Variants in EIF1 observed in about 807,000 individuals in gnomAD.
The protein encoded by EIF1 is eukaryotic translation initiation factor 1.
In EIF1, 4 loss-of-function variants were observed where a neutral mutation model predicts 13.7. The observed-to-expected ratio is 0.29, with a 90% CI of 0.14 to 0.67. The LOEUF (loss-of-function observed/expected upper bound fraction) is 0.67. Among genes scored for constraint, EIF1 ranks in the 30% least tolerant of loss-of-function variants. The probability of loss-of-function intolerance (pLI) is 0.77; values close to 1 mark genes in which losing one functional copy is unlikely to be tolerated. For missense variants in EIF1, 64 were observed against 138.0 expected (o/e 0.46, Z 2.69); for synonymous variants, 67 against 50.7 (o/e 1.32, Z -1.37).
intron 1 of EIF1, chr17:41,689,303 C>T: frequency 1.7e-6 from 1 of 598,900 alleles, no homozygotes; most frequent in East Asian, 2.8e-5. Flanking sequence ...GTCTCAGTGG[C>T]GCATTTACTA....
At chr17:41,689,260 C>T (rs759774815) in intron 1 of EIF1, 191 bp downstream of exon 1, 75 of 663,114 alleles carry the variant, frequency 1.1e-4, no homozygotes, top group Non-Finnish European at 1.8e-4. Flanking sequence ...CCGGAAGGAG[C>T]AGGCGGTAGG....
At position 41,690,123 on chromosome 17, in the gene EIF1, G is replaced by A. The variant is rs3389; in HGVS notation, c.231G>A (p.Pro77=). 3.7e-6 allele frequency: 6 copies of A among 1,614,094 alleles called. No individual in the cohort carries two copies. The highest frequency in any genetic ancestry group is 5.1e-6 in the Non-Finnish European group (6 of 1,180,024). Residue 77 remains proline (P), a synonymous_variant, in exon 3 of 4, where the codon CCG becomes CCA. Transcript: ENST00000469257. ...GCAATGGTACTGTAATTGAGCATCC[G>A]GAATATGGAGAAGTAATTCAGCTAC... ...FACNGTVIEH[P]EYGEVIQLQG...
At chr17:41,690,749 C>T (rs753711486) in intron 3 of EIF1, 33 bp from the exon 4 acceptor site, 1 of 1,612,936 alleles carries the variant, frequency 6.2e-7, no homozygotes. Flanking sequence ...CTCCCTGTCC[C>T]CCATTTAAAA....
rs771365370 is a variant in EIF1, at chr17:41,689,828, G to C, written c.82G>C (p.Glu28Gln). Residue 28 changes from glutamate (E) to glutamine (Q), a missense_variant, in exon 2 of 4, where the codon GAG (glutamate) becomes CAG (glutamine). Around this residue, in one of 2 missense-constraint regions of EIF1, gnomAD observed 29 missense variants for 34.7 expected, o/e 0.84. Transcript: ENST00000469257. ...TGATGACCTGCTTCCTGCTGGCACTGAGGATTATATCCATATAAGAATTCA... is the reference window on the plus strand; with the variant it reads ...TGATGACCTGCTTCCTGCTGGCACTCAGGATTATATCCATATAAGAATTCA... Reference protein sequence around the residue: ...KGDDLLPAGTEDYIHIRIQQR... With the variant: ...KGDDLLPAGTQDYIHIRIQQR... The C allele has an allele frequency of 1.2e-5, 20 of 1,613,550 alleles. No homozygotes were observed. Among genetic ancestry groups the C allele is most frequent in the Non-Finnish European group, 3.4e-6 (4 of 1,179,670 alleles).
In EIF1 at chr17:41,690,279, T is replaced by A. The variant is rs192192922; in HGVS notation, c.297+90T>A. 140 of 1,118,164 alleles carry A rather than the reference T, an allele frequency of 1.3e-4. No individual in the cohort carries two copies. In the African/African-American group the frequency reaches 2.1e-3, roughly 16 times the overall value. The allele number at this position is 1,118,164 out of a possible 1,614,324, so 69.3% of individuals were successfully genotyped here. Reference sequence around the variant, plus strand: ...TTCTGCTGGGGACATAAAAGTTGGCTTTGTAAGGCTGAGCAAAACCTCAGT... The same window carrying A: ...TTCTGCTGGGGACATAAAAGTTGGCATTGTAAGGCTGAGCAAAACCTCAGT... On this transcript the variant is annotated intron_variant, in intron 3 of 3. Coordinates refer to ENST00000469257, the MANE Select transcript of EIF1 (RefSeq NM_005801.4).
At position 41,691,375 on chromosome 17, in the gene EIF1, C is replaced by T. The variant is rs942785503; in HGVS notation, c.*549C>T. On this transcript the variant is annotated 3_prime_UTR_variant, in exon 4 of 4. Coordinates refer to ENST00000469257, the MANE Select transcript of EIF1 (RefSeq NM_005801.4). ...AGGACATCTGGCTTGCCACAAAGGTCTGTTCGACCAGACATATCCTAGCTA... is the reference window on the plus strand; with the variant it reads ...AGGACATCTGGCTTGCCACAAAGGTTTGTTCGACCAGACATATCCTAGCTA... 1 of 167,310 alleles carries T rather than the reference C, an allele frequency of 6.0e-6. No individual in the cohort carries two copies. Among genetic ancestry groups the T allele is most frequent in the Non-Finnish European group, 1.3e-5 (1 of 78,184 alleles). 10.4% of individuals were successfully genotyped at this position (167,310 alleles called of 1,614,324 possible). A position where few individuals can be genotyped will look rare whatever the true frequency, so the allele number is the denominator to read the frequency against.
At position 41,689,016 on chromosome 17, in the gene EIF1, C is replaced by T. The variant is rs911183649; in HGVS notation, c.-23C>T. ...CGCCGCCTTCCGCAGGCCGTTTCCA[C>T]CGAGGAAAAGGAATCGTATCGTATG... On this transcript the variant is annotated 5_prime_UTR_variant, in exon 1 of 4. Coordinates refer to ENST00000469257, the MANE Select transcript of EIF1 (RefSeq NM_005801.4). 1 of 1,613,212 alleles carries T rather than the reference C, an allele frequency of 6.2e-7. No individual in the cohort carries two copies. The highest frequency in any genetic ancestry group is 8.5e-7 in the Non-Finnish European group (1 of 1,179,844).
rs1910396338 is a variant in EIF1, at chr17:41,692,092, A to AT, written c.*1266_*1267insT. 6.6e-6 allele frequency: 1 copy of AT among 152,306 alleles called. No individual in the cohort carries two copies. Among genetic ancestry groups the AT allele is most frequent in the Non-Finnish European group, 1.5e-5 (1 of 68,124 alleles). 9.4% of individuals were successfully genotyped at this position (152,306 alleles called of 1,614,324 possible). On this transcript the variant is annotated 3_prime_UTR_variant, in exon 4 of 4. Coordinates refer to ENST00000469257, the MANE Select transcript of EIF1 (RefSeq NM_005801.4). ...ATTACAGGCATGAGCCACCATGCCC[A>AT]GCAGGTCAACTGTTTTTGCAAGCAT...
At chr17:41,690,681 TG>T in intron 3 of EIF1, 100 bp from the exon 4 acceptor site, 1 of 1,349,142 alleles carries the variant, frequency 7.4e-7, no homozygotes, top group Non-Finnish European at 1.1e-6. Context: ...CCCTGGCTCT[TG>T]GGCAGTGTAG....
At position 41,692,664 on chromosome 17, in the gene EIF1, CAT is replaced by C. The variant is rs1317236290; in HGVS notation, c.*1839_*1840del. 1.3e-5 allele frequency: 2 copies of C among 151,804 alleles called. No individual in the cohort carries two copies. The highest frequency in any genetic ancestry group is 2.4e-5 in the African/African-American group (1 of 41,340). The allele number at this position is 151,804 out of a possible 1,614,324, so 9.4% of individuals were successfully genotyped here. On this transcript the variant is annotated 3_prime_UTR_variant, in exon 4 of 4. Transcript: ENST00000469257. Reference sequence around the variant, plus strand: ...CACGAACTAATAAATTTTGCTAAAACATGAGTTTTGTTTGGTGACTTTTTTTT... The same window carrying C: ...CACGAACTAATAAATTTTGCTAAAACGAGTTTTGTTTGGTGACTTTTTTTT...
chr17:41,689,530 C>G, intron 1 of EIF1: 2 of 481,318 alleles, frequency 4.2e-6, no homozygotes, highest in South Asian at 6.1e-5. Context: ...CCTGGCAGCC[C>G]GGACTCCCCC....
In EIF1 at chr17:41,690,475, A is replaced by G; in HGVS notation, c.297+286A>G. ...CTGGGTTGTTCCTGTATTTGTAAGG[A>G]CATGAGTTTTTAAAAATGAATTTCC... is the stretch of plus-strand genomic sequence containing the variant. On this transcript the variant is annotated intron_variant, in intron 3 of 3. Transcript: ENST00000469257. 7.3e-6 allele frequency: 4 copies of G among 549,750 alleles called. No individual in the cohort carries two copies. The South Asian group carries it at 1.0e-4, about 14-fold the overall frequency. The allele number at this position is 549,750 out of a possible 1,614,324, so 34.1% of individuals were successfully genotyped here. A position where few individuals can be genotyped will look rare whatever the true frequency, so the allele number is the denominator to read the frequency against.
At position 41,688,916 on chromosome 17, in the gene EIF1, A is replaced by C; in HGVS notation, c.-123A>C. On this transcript the variant is annotated 5_prime_UTR_variant, in exon 1 of 4. Transcript: ENST00000469257. ...GTCACTGAGCCGCCGCCGAGGATTC[A>C]GCAGCCTCCCCCTTGAGCCCCCTCG... 3 of 975,648 alleles carry C rather than the reference A, an allele frequency of 3.1e-6. No homozygotes were observed. In the South Asian group the frequency reaches 4.3e-5, roughly 14 times the overall value. 60.4% of individuals were successfully genotyped at this position (975,648 alleles called of 1,614,324 possible).
In EIF1 at chr17:41,690,168, C is replaced by T. The variant is rs377020167; in HGVS notation, c.276C>T (p.Asn92=). 6 of 1,613,988 alleles carry T rather than the reference C, an allele frequency of 3.7e-6. No individual in the cohort carries two copies. The African/African-American group carries it at 6.7e-5, about 18-fold the overall frequency. The change falls in exon 3 of 4, where the codon AAC becomes AAT. Residue 92 remains asparagine (N), a synonymous_variant. Transcript: ENST00000469257. ...AGCTACAGGGTGACCAACGCAAGAA[C>T]ATATGCCAGTTCCTCGTAGAGGTGA... The part of the protein sequence containing the change: ...VIQLQGDQRK[N]ICQFLVEIGL...
At chr17:41,690,051 C>T (rs770991137) in intron 2 of EIF1, 37 bp from the exon 3 acceptor site, 5 of 1,611,302 alleles carry the variant, frequency 3.1e-6, no homozygotes, top group Middle Eastern at 1.7e-4. Flanking sequence ...CGTTCATGCT[C>T]TTGCTAGGCC....
chr17:41,689,367 A>G lies in EIF1; in HGVS notation c.31+298A>G. ...CCGCCCCTCCCGTCACCATTGCGTC[A>G]CGTCCGTTACGTCACCACCCGTTGT... On this transcript the variant is annotated intron_variant, in intron 1 of 3. Coordinates refer to ENST00000469257, the MANE Select transcript of EIF1 (RefSeq NM_005801.4). 1.1e-5 allele frequency: 6 copies of G among 546,000 alleles called. No homozygotes were observed. The South Asian group carries it at 1.1e-4, about 10-fold the overall frequency. The allele number at this position is 546,000 out of a possible 1,614,324, so 33.8% of individuals were successfully genotyped here.
chr17:41,690,708 G>T (rs1910350103), intron 3 of EIF1, 74 bp from the exon 4 acceptor site: 1 of 1,543,484 alleles, frequency 6.5e-7, no homozygotes, highest in Non-Finnish European at 9.0e-7. Flanking sequence ...GGAAGACAGG[G>T]TTGTTGCCAT....
chr17:41,690,644 G>T, intron 3 of EIF1, 138 bp from the exon 4 acceptor site: 1 of 827,284 alleles, frequency 1.2e-6, no homozygotes, highest in South Asian at 1.6e-5. Context: ...CTTAACTGAG[G>T]ACCCTCTGTT....
At chr17:41,689,103 G>T (rs1238572284) in intron 1 of EIF1, 34 bp downstream of exon 1, 1 of 1,611,886 alleles carries the variant, frequency 6.2e-7, no homozygotes, top group Non-Finnish European at 8.5e-7. Flanking sequence ...GCCCGGGTGG[G>T]GCAGCGGGGC....
Sources: gnomAD v4.1 joint callset for allele counts on GRCh38, gnomAD v4.1.1 for gene constraint, gnomAD v4.1.1 regional missense constraint, MANE v1.5 for transcripts, NCBI Gene and HGNC (gene_info 2026-07-23, HGNC 2026-07-21) for gene names.